FGF12: variants seen among roughly 807,000 people sequenced by gnomAD.
FGF12 encodes fibroblast growth factor 12B.
In FGF12, 14 loss-of-function variants were observed where a neutral mutation model predicts 23.6. The ratio of observed to expected loss-of-function variants is 0.59; its 90% CI spans 0.39 to 0.93. The LOEUF (loss-of-function observed/expected upper bound fraction) is 0.93, where lower values mean the gene tolerates loss of function less well. Among genes scored for constraint, FGF12 ranks in the 40% least tolerant of loss-of-function variants. The probability of loss-of-function intolerance (pLI) is 0.00; values close to 1 mark genes in which losing one functional copy is unlikely to be tolerated. For synonymous variants in FGF12, 62 were observed against 77.3 expected, an observed-to-expected ratio of 0.80 and a Z score of 1.04; for missense variants, 175 against 217.8, an observed-to-expected ratio of 0.80 and a Z score of 1.24.
intron 2 of FGF12, among the ~76,000 whole-genome samples, chr3:192,666,905 TGGA>T (rs550993083): frequency 1.9e-4 from 27 of 144,308 alleles, no homozygotes; most frequent in African/African-American, 6.9e-4. Flanking sequence ...GATGGATAGT[TGGA>T]TAGATAGATG....
intron 4 of FGF12, among the ~76,000 whole-genome samples, chr3:192,292,061 T>C (rs1280342960): frequency 6.6e-6 from 1 of 152,188 alleles, no homozygotes; most frequent in Middle Eastern, 3.2e-3. Flanking sequence ...TCAACCAAAA[T>C]ATGAAAATGG....
At chr3:192,202,979 G>T (rs1717448697) in intron 4 of FGF12, among the ~76,000 whole-genome samples, 2 of 152,166 alleles carry the variant, frequency 1.3e-5, no homozygotes, top group Admixed American at 6.5e-5. Context: ...CTGCTAAACA[G>T]TGCTTGATGG....
chr3:192,511,748 A>T (rs1724484959), intron 2 of FGF12, among the ~76,000 whole-genome samples: 1 of 152,176 alleles, frequency 6.6e-6, no homozygotes, highest in South Asian at 2.1e-4. Context: ...TAAGAGACCC[A>T]GAATTTAGCC....
intron 4 of FGF12, among the ~76,000 whole-genome samples, chr3:192,244,057 C>T (rs1361922648): frequency 1.3e-5 from 2 of 152,064 alleles, no homozygotes; most frequent in Non-Finnish European, 2.9e-5. Context: ...TTTAAAATTA[C>T]ATAACTCACT....
chr3:192,448,287 CTGTT>C (rs2108800303), intron 2 of FGF12, among the ~76,000 whole-genome samples: 1 of 152,290 alleles, frequency 6.6e-6, no homozygotes, highest in East Asian at 1.9e-4. Flanking sequence ...ATGTGGAAAA[CTGTT>C]TTCTTTTGAA....
At chr3:192,620,576 A>G (rs1161074476) in intron 2 of FGF12, among the ~76,000 whole-genome samples, 1 of 152,172 alleles carries the variant, frequency 6.6e-6, no homozygotes, top group Non-Finnish European at 1.5e-5. Context: ...CAAGCTGCTG[A>G]TCAAGAGTCC....
intron 2 of FGF12, among the ~76,000 whole-genome samples, chr3:192,434,860 T>A (rs1268004459): frequency 1.3e-5 from 2 of 152,068 alleles, no homozygotes; most frequent in African/African-American, 4.8e-5. Context: ...ATAATCTAAC[T>A]CATGATGGCT....
chr3:192,277,648 A>G (rs1204493574), intron 4 of FGF12, among the ~76,000 whole-genome samples: 1 of 152,228 alleles, frequency 6.6e-6, no homozygotes, highest in African/African-American at 2.4e-5. Context: ...GGGTCTTTAC[A>G]GTGAACATTC....
chr3:192,532,514 T>C (rs1175592436), intron 2 of FGF12, among the ~76,000 whole-genome samples: 1 of 152,164 alleles, frequency 6.6e-6, no homozygotes, highest in East Asian at 1.9e-4. Context: ...GTAGCTGTTT[T>C]AAAAGCAATT....
intron 2 of FGF12, among the ~76,000 whole-genome samples, chr3:192,550,182 A>G (rs1355454685): frequency 6.6e-6 from 1 of 151,482 alleles, no homozygotes; most frequent in Non-Finnish European, 1.5e-5. Context: ...CACTTGAGTG[A>G]GCCACAGGAT....
At chr3:192,475,872 A>G (rs145246366) in intron 2 of FGF12, among the ~76,000 whole-genome samples, 231 of 152,322 alleles carry the variant, frequency 1.5e-3, no homozygotes, top group Admixed American at 2.4e-3. Context: ...ATCATTATAG[A>G]TCAGATAGAT....
intron 3 of FGF12, among the ~76,000 whole-genome samples, chr3:192,353,806 T>C (rs1017060881): frequency 2.0e-5 from 3 of 152,230 alleles, no homozygotes; most frequent in Non-Finnish European, 2.9e-5. Context: ...AACTAGTGTT[T>C]GCTAAAATTT....
At chr3:192,169,098 T>C (rs1315684411) in intron 5 of FGF12, among the ~76,000 whole-genome samples, 2 of 152,110 alleles carry the variant, frequency 1.3e-5, no homozygotes, top group Non-Finnish European at 2.9e-5. Flanking sequence ...CCCAGCACTT[T>C]GGGAGGCCGA....
chr3:192,678,779 A>G (rs1717416119), intron 2 of FGF12, among the ~76,000 whole-genome samples: 1 of 152,182 alleles, frequency 6.6e-6, no homozygotes, highest in African/African-American at 2.4e-5. Flanking sequence ...GGCCTTCCTG[A>G]GAGCCAGCCC....
intron 2 of FGF12, among the ~76,000 whole-genome samples, chr3:192,444,665 C>G (rs976819452): frequency 6.6e-6 from 1 of 152,222 alleles, no homozygotes; most frequent in Admixed American, 6.5e-5. Context: ...CTGCTTGCTA[C>G]GCACAGGAGG....
intron 2 of FGF12, among the ~76,000 whole-genome samples, chr3:192,493,142 T>A (rs1723850051): frequency 6.6e-6 from 1 of 152,056 alleles, no homozygotes. Flanking sequence ...AGAGTATGCC[T>A]TGGCCAATGA....
In FGF12 at chr3:192,503,954, T is replaced by C. The variant is rs565969227; in HGVS notation, c.14-143416A>G. Among the ~76,000 whole-genome samples the C allele has an allele frequency of 1.3e-5, 2 of 152,090 alleles. 1 individual carries two copies. The highest frequency in any genetic ancestry group is 3.9e-4 in the East Asian group (2 of 5,180). ...TGGAATCAACCTAAATGTCCATCAG[T>C]GGTAGACTGGATAAAGAAAATGTGG... On this transcript the variant is annotated intron_variant, in intron 2 of 5. Transcript: ENST00000445105.
intron 3 of FGF12, among the ~76,000 whole-genome samples, chr3:192,353,573 G>A (rs896117787): frequency 2.0e-5 from 3 of 152,010 alleles, no homozygotes; most frequent in African/African-American, 7.2e-5. Context: ...GTTTCACTGT[G>A]TTAGCCAGGA....
intron 2 of FGF12, among the ~76,000 whole-genome samples, chr3:192,723,268 C>T (rs1386494710): frequency 1.3e-5 from 2 of 151,980 alleles, no homozygotes; most frequent in African/African-American, 2.4e-5. Context: ...AGTTAGATCA[C>T]GCAGTTTCTT....
Sources: gnomAD v4.1 joint callset for allele counts (sites outside exome capture counted in the v4.1 genomes callset) on GRCh38, gnomAD v4.1.1 for gene constraint, MANE v1.5 for transcripts, NCBI Gene and HGNC (gene_info 2026-07-23, HGNC 2026-07-21) for gene names.